Variants in ARFGEF3 observed in about 807,000 individuals in gnomAD.
ARFGEF3 encodes the protein ARFGEF family member 3, also known as brefeldin A-inhibited guanine nucleotide-exchange protein 3.
ARFGEF3 carries 96 observed loss-of-function variants against 221.7 expected under a neutral mutation model. That is an observed-to-expected ratio of 0.43 (90% CI 0.37 to 0.51). The LOEUF is 0.51. Ranked by LOEUF, ARFGEF3 falls within the 20% of genes least tolerant of loss-of-function variation. The pLI is 0.00. For missense variants in ARFGEF3, 2,410 were observed against 2,789.9 expected, an observed-to-expected ratio of 0.86 and a Z score of 3.07; for synonymous variants, 1,145 against 1,126.8, an observed-to-expected ratio of 1.02 and a Z score of -0.32.
chr6:138,221,172 A>G (rs1197006051), intron 4 of ARFGEF3, among the ~76,000 whole-genome samples: 2 of 152,126 alleles, frequency 1.3e-5, no homozygotes, highest in African/African-American at 4.8e-5. Context: ...GGTTATCTAC[A>G]TGGTGGCAGT....
rs576454161 is a variant in ARFGEF3, at chr6:138,243,672, A to T, written c.586+678A>T. Among the ~76,000 whole-genome samples the T allele has an allele frequency of 3.3e-5, 5 of 152,212 alleles. No homozygotes were observed. The South Asian group carries it at 1.0e-3, about 32-fold the overall frequency. ...CTGCAAAAATCTGCTTTTCTATTAT[A>T]TGTGCCAGTTAATAATAGTGAGAAG... is the stretch of plus-strand genomic sequence containing the variant. On this transcript the variant is annotated intron_variant, in intron 7 of 33. Transcript: ENST00000251691.
At chr6:138,266,502 G>T (rs1335239571) in intron 12 of ARFGEF3, among the ~76,000 whole-genome samples, 1 of 152,074 alleles carries the variant, frequency 6.6e-6, no homozygotes, top group African/African-American at 2.4e-5. Context: ...GTCTCCCAAA[G>T]TGCTAGGATT....
intron 2 of ARFGEF3, among the ~76,000 whole-genome samples, chr6:138,171,843 C>G (rs973987255): frequency 8.5e-5 from 13 of 152,086 alleles, no homozygotes; most frequent in Non-Finnish European, 1.2e-4. Context: ...GTTACATATA[C>G]TTCCATTATA....
intron 2 of ARFGEF3, among the ~76,000 whole-genome samples, chr6:138,183,607 A>G (rs1389878962): frequency 6.6e-6 from 1 of 152,158 alleles, no homozygotes; most frequent in Non-Finnish European, 1.5e-5. Flanking sequence ...GTCAGAGCCA[A>G]ACACACAGCA....
intron 8 of ARFGEF3, among the ~76,000 whole-genome samples, chr6:138,249,491 A>G (rs1418464942): frequency 6.6e-6 from 1 of 151,858 alleles, no homozygotes; most frequent in African/African-American, 2.4e-5. Context: ...CACCACACCC[A>G]GCTAATTTTT....
chr6:138,241,492 ACCT>A lies in ARFGEF3; in HGVS notation c.544-1456_544-1454del, dbSNP rs1778392565. 1.3e-5 allele frequency among the ~76,000 whole-genome samples: 2 copies of A among 152,232 alleles called. 1 individual carries two copies. Among genetic ancestry groups the A allele is most frequent in the South Asian group, 4.2e-4 (2 of 4,810 alleles). ...CCCCTTCCTTTAAGGAAATGTAGAA[ACCT>A]CCTGAAATGTAAAACCTCCTGAAAG... On this transcript the variant is annotated intron_variant, in intron 6 of 33. Coordinates refer to ENST00000251691, the MANE Select transcript of ARFGEF3 (RefSeq NM_020340.5).
intron 32 of ARFGEF3, among the ~76,000 whole-genome samples, chr6:138,332,516 T>G (rs781302489): frequency 3.3e-5 from 5 of 152,168 alleles, no homozygotes; most frequent in Non-Finnish European, 5.9e-5. Flanking sequence ...TGGTAGCTTT[T>G]GGGCCAAGTT....
Position 138,338,946 on chromosome 6 carries a change from A to G in ARFGEF3, c.*2460A>G, listed in dbSNP as rs946199957. The G allele has an allele frequency of 1.3e-5, 2 of 152,164 alleles. No individual in the cohort carries two copies. Among genetic ancestry groups the G allele is most frequent in the Non-Finnish European group, 2.9e-5 (2 of 68,032 alleles). The allele number at this position is 152,164 out of a possible 1,614,324, so 9.4% of individuals were successfully genotyped here. On this transcript the variant is annotated 3_prime_UTR_variant, in exon 34 of 34. Transcript: ENST00000251691. ...CTGTACTGTGTCCAAACACTGTTCTAGTTCTAGCCTGATTATGGGTCCCAA... is the reference window on the plus strand; with the variant it reads ...CTGTACTGTGTCCAAACACTGTTCTGGTTCTAGCCTGATTATGGGTCCCAA...
At chr6:138,210,517 C>G (rs1777705721) in intron 4 of ARFGEF3, among the ~76,000 whole-genome samples, 1 of 151,744 alleles carries the variant, frequency 6.6e-6, no homozygotes, top group Non-Finnish European at 1.5e-5. Flanking sequence ...TGAAACTTAC[C>G]TCTTTCATTC....
chr6:138,233,316 T>G (rs1778226117), intron 5 of ARFGEF3, among the ~76,000 whole-genome samples: 1 of 152,064 alleles, frequency 6.6e-6, no homozygotes, highest in South Asian at 2.1e-4. Flanking sequence ...ACAGTTCTAG[T>G]TGTCACTAAA....
At chr6:138,182,891 C>T (rs548656525) in intron 2 of ARFGEF3, among the ~76,000 whole-genome samples, 2 of 152,068 alleles carry the variant, frequency 1.3e-5, no homozygotes, top group Non-Finnish European at 2.9e-5. Flanking sequence ...TGAGAGCAGA[C>T]CTATGCTAAT....
chr6:138,250,648 T>A (rs143583142), intron 8 of ARFGEF3, among the ~76,000 whole-genome samples: 1 of 152,356 alleles, frequency 6.6e-6, no homozygotes, highest in African/African-American at 2.4e-5. Flanking sequence ...TAGGCTGCCC[T>A]CCCAGTAGCC....
rs759177852 is a variant in ARFGEF3 at position 138,170,705 on chromosome 6, T to C, written c.129T>C (p.His43=). 6.3e-7 allele frequency: 1 copy of C among 1,575,106 alleles called. No individual in the cohort carries two copies. The highest frequency in any genetic ancestry group is 1.7e-5 in the Admixed American group (1 of 59,890). Residue 43 remains histidine (H), a synonymous_variant, in exon 2 of 34, where the codon CAT becomes CAC. Coordinates refer to ENST00000251691, the MANE Select transcript of ARFGEF3 (RefSeq NM_020340.5). ...ATACCATTGTCAAGATCCCTCCACA[T>C]GTACTGAGGTAGGAGATGGACATTG... ...GLDTIVKIPP[H]VLREKCLLPL...
At chr6:138,330,812 GTT>G (rs1780215265) in intron 32 of ARFGEF3, among the ~76,000 whole-genome samples, 1 of 152,296 alleles carries the variant, frequency 6.6e-6, no homozygotes, top group South Asian at 2.1e-4. Flanking sequence ...ATGTTCAAAA[GTT>G]ATGAAGCAGG....
In ARFGEF3 at chr6:138,343,385, G is replaced by A. The variant is rs752778365; in HGVS notation, c.*6899G>A. 2 of 151,960 alleles carry A rather than the reference G, an allele frequency of 1.3e-5. No homozygotes were observed. Among genetic ancestry groups the A allele is most frequent in the South Asian group, 4.1e-4 (2 of 4,820 alleles). The allele number at this position is 151,960 out of a possible 1,614,324, so 9.4% of individuals were successfully genotyped here. On this transcript the variant is annotated 3_prime_UTR_variant, in exon 34 of 34. Transcript: ENST00000251691. ...TTACTAGAATTAGTGAGATCAGAAA[G>A]CATATCAGAATGTTGATGATATCAA...
intron 2 of ARFGEF3, among the ~76,000 whole-genome samples, chr6:138,187,071 A>G (rs963061654): frequency 4.6e-5 from 7 of 151,480 alleles, no homozygotes; most frequent in African/African-American, 1.7e-4. Context: ...ATGCGCCACC[A>G]CACCCAGCTA....
intron 12 of ARFGEF3, among the ~76,000 whole-genome samples, chr6:138,268,724 T>C (rs1397134454): frequency 6.6e-6 from 1 of 152,206 alleles, no homozygotes; most frequent in Non-Finnish European, 1.5e-5. Context: ...TGCACGGCAA[T>C]TGATCAAGGG....
intron 12 of ARFGEF3, among the ~76,000 whole-genome samples, chr6:138,274,730 G>A (rs1562376058): frequency 1.3e-5 from 2 of 149,352 alleles, no homozygotes; most frequent in Non-Finnish European, 3.0e-5. Context: ...GGGAGGCAGA[G>A]GTTGCGGTGA....
At chr6:138,174,896 C>T (rs549590881) in intron 2 of ARFGEF3, among the ~76,000 whole-genome samples, 62 of 152,150 alleles carry the variant, frequency 4.1e-4, no homozygotes, top group Admixed American at 9.2e-4. Context: ...TCAGAAGAAC[C>T]CTTGAAGAGC....
Sources: gnomAD v4.1 joint callset for allele counts (sites outside exome capture counted in the v4.1 genomes callset) on GRCh38, gnomAD v4.1.1 for gene constraint, MANE v1.5 for transcripts, NCBI Gene and HGNC (gene_info 2026-07-23, HGNC 2026-07-21) for gene names.